CCR9: variants seen among roughly 807,000 people sequenced by gnomAD.
The protein encoded by CCR9 is C-C motif chemokine receptor 9.
A neutral mutation model predicts 8.7 loss-of-function variants in CCR9; 4 were observed. The observed-to-expected ratio is 0.46, with a 90% CI of 0.23 to 1.06. The LOEUF is 1.06. Among genes scored for constraint, CCR9 ranks in the 50% least tolerant of loss-of-function variants. CCR9 has a pLI of 0.21. For missense variants in CCR9, 394 were observed against 453.6 expected (o/e 0.87, Z 1.19); for synonymous variants, 159 against 168.8 (o/e 0.94, Z 0.45).
intron 1 of CCR9, among the ~76,000 whole-genome samples, chr3:45,894,319 C>T (rs536537141): frequency 6.6e-5 from 10 of 152,258 alleles, no homozygotes; most frequent in South Asian, 6.2e-4. Flanking sequence ...CTGGGGGCAC[C>T]GGGTCTTTTA....
At chr3:45,892,844 G>A (rs1702229092) in intron 1 of CCR9, among the ~76,000 whole-genome samples, 1 of 152,184 alleles carries the variant, frequency 6.6e-6, no homozygotes, top group Non-Finnish European at 1.5e-5. Flanking sequence ...CCAGCAGAGA[G>A]GTTACCAGGA....
At position 45,900,469 on chromosome 3, in the gene CCR9, CCA is replaced by C. The variant is rs1254906573; in HGVS notation, c.22-340_22-339del. 2.0e-5 allele frequency among the ~76,000 whole-genome samples: 3 copies of C among 152,084 alleles called. No individual in the cohort carries two copies. Among genetic ancestry groups the C allele is most frequent in the Non-Finnish European group, 4.4e-5 (3 of 68,014 alleles). ...TCAGTAGTGTGGAGGCACTCTTACC[CCA>C]TCAGAGCACTTGGCATGCACACTAT... On this transcript the variant is annotated intron_variant, in intron 2 of 2. Transcript: ENST00000357632. The surrounding 1 kb of genome is among the most constrained non-coding windows in gnomAD (Gnocchi z 4.7).
At chr3:45,894,160 T>G (rs1559423492) in intron 1 of CCR9, among the ~76,000 whole-genome samples, 1 of 152,126 alleles carries the variant, frequency 6.6e-6, no homozygotes, top group African/African-American at 2.4e-5. Flanking sequence ...TTAAAGAAAT[T>G]CAAAACACAT....
Position 45,891,995 on chromosome 3 carries a change from A to G in CCR9, c.-28-2911A>G, listed in dbSNP as rs888789491. On this transcript the variant is annotated intron_variant, in intron 1 of 2. Transcript: ENST00000357632. Reference sequence around the variant, plus strand: ...TTGGTGGTATGGGGTTTGAAGACCAACTTAGCTGGTCTTCAAATCCAACAC... The same window carrying G: ...TTGGTGGTATGGGGTTTGAAGACCAGCTTAGCTGGTCTTCAAATCCAACAC... Among the ~76,000 whole-genome samples the G allele has an allele frequency of 3.3e-5, 5 of 152,144 alleles. No homozygotes were observed. The South Asian group carries it at 6.2e-4, about 19-fold the overall frequency.
At chr3:45,888,986 ATTTG>A (rs1224972998) in intron 1 of CCR9, among the ~76,000 whole-genome samples, 6 of 152,108 alleles carry the variant, frequency 3.9e-5, no homozygotes, top group African/African-American at 1.2e-4. Flanking sequence ...GATATATACT[ATTTG>A]TTTATTTATT....
chr3:45,894,972 C>T lies in CCR9; in HGVS notation c.21+18C>T, dbSNP rs372485536. 5.0e-6 allele frequency: 8 copies of T among 1,612,812 alleles called. No individual in the cohort carries two copies. In the East Asian group the frequency reaches 6.7e-5, roughly 13 times the overall value. On this transcript the variant is annotated intron_variant, in intron 2 of 2. Coordinates refer to ENST00000357632, the MANE Select transcript of CCR9 (RefSeq NM_031200.3). The stretch of plus-strand genomic sequence containing the variant: ...ACTTCACAGTGAGTACAGCCGTGCT[C>T]CTCTGGCTCCTCAAAACACACACTC...
chr3:45,897,614 C>T, intron 2 of CCR9: 1 of 1,535,496 alleles, frequency 6.5e-7, no homozygotes, highest in Non-Finnish European at 8.7e-7. Flanking sequence ...AGGAATCCAT[C>T]TCCTTCCAGG....
chr3:45,901,754 G>C lies in CCR9; in HGVS notation c.966G>C (p.Glu322Asp). The change falls in exon 3 of 3, where the codon GAG becomes GAC. Residue 322 changes from glutamate to aspartate, a missense_variant. Physicochemically the swap from Glu to Asp is conservative, Grantham distance 45. Coordinates refer to ENST00000357632, the MANE Select transcript of CCR9 (RefSeq NM_031200.3). The surrounding 1 kb of genome is among the most constrained non-coding windows in gnomAD (Gnocchi z 4.3). ...CTGTTCTCTATGTTTTTGTGGGTGA[G>C]AGATTCCGCCGGGATCTCGTGAAAA... ...LNPVLYVFVG[E>D]RFRRDLVKTL... The C allele has an allele frequency of 6.2e-7, 1 of 1,614,170 alleles. No homozygotes were observed. Among genetic ancestry groups the C allele is most frequent in the African/African-American group, 1.3e-5 (1 of 75,028 alleles).
rs542112564 is a variant in CCR9 at position 45,894,485 on chromosome 3, G to A, written c.-28-421G>A. ...TTCGGTGAGTCCCTTAGCTGATAGA[G>A]CAGGGGGAAGGGGAACCAGTCAGCA... On this transcript the variant is annotated intron_variant, in intron 1 of 2. Coordinates refer to ENST00000357632, the MANE Select transcript of CCR9 (RefSeq NM_031200.3). Among the ~76,000 whole-genome samples, 3 of 152,288 alleles carry A rather than the reference G, an allele frequency of 2.0e-5. No individual in the cohort carries two copies. The South Asian group carries it at 6.2e-4, about 32-fold the overall frequency.
At position 45,894,792 on chromosome 3, in the gene CCR9, T is replaced by A. The variant is rs1272859190; in HGVS notation, c.-28-114T>A. The A allele has an allele frequency of 1.7e-5, 13 of 755,696 alleles. No individual in the cohort carries two copies. In the East Asian group the frequency reaches 3.3e-4, roughly 19 times the overall value. 46.8% of individuals were successfully genotyped at this position (755,696 alleles called of 1,614,324 possible). On this transcript the variant is annotated intron_variant, in intron 1 of 2. Coordinates refer to ENST00000357632, the MANE Select transcript of CCR9 (RefSeq NM_031200.3). ...TATAGACTCTAACTCCTGCTTGGAATATTTTTTTCAGAAGAATAAGCAGAT... is the reference window on the plus strand; with the variant it reads ...TATAGACTCTAACTCCTGCTTGGAAAATTTTTTTCAGAAGAATAAGCAGAT...
chr3:45,902,816 T>A lies in CCR9; in HGVS notation c.*918T>A, dbSNP rs144606172. On this transcript the variant is annotated 3_prime_UTR_variant, in exon 3 of 3. Coordinates refer to ENST00000357632, the MANE Select transcript of CCR9 (RefSeq NM_031200.3). The stretch of plus-strand genomic sequence containing the variant: ...TGGCCCTCTTCTTTCTGAGGCCCAC[T>A]TTATTCTGAGGAATACAGTGAGCAG... The A allele has an allele frequency of 6.0e-6, 1 of 167,166 alleles. No homozygotes were observed. Among genetic ancestry groups the A allele is most frequent in the East Asian group, 1.9e-4 (1 of 5,178 alleles). 10.4% of individuals were successfully genotyped at this position (167,166 alleles called of 1,614,324 possible).
At chr3:45,887,695 C>A (rs1457510238) in intron 1 of CCR9, among the ~76,000 whole-genome samples, 1 of 152,322 alleles carries the variant, frequency 6.6e-6, no homozygotes, top group East Asian at 1.9e-4. Flanking sequence ...CCTTTTCTTC[C>A]AATATCTGCT....
At position 45,900,696 on chromosome 3, in the gene CCR9, G is replaced by T; in HGVS notation, c.22-114G>T. The T allele has an allele frequency of 1.0e-6, 1 of 997,724 alleles. No individual in the cohort carries two copies. Among genetic ancestry groups the T allele is most frequent in the Non-Finnish European group, 1.5e-6 (1 of 673,520 alleles). 61.8% of individuals were successfully genotyped at this position (997,724 alleles called of 1,614,324 possible). A position where few individuals can be genotyped will look rare whatever the true frequency, so the allele number is the denominator to read the frequency against. On this transcript the variant is annotated intron_variant, in intron 2 of 2. Transcript: ENST00000357632. The surrounding 1 kb of genome is among the most constrained non-coding windows in gnomAD (Gnocchi z 4.7). ...GTCCTCAGAATGCCTATGTGTCTTT[G>T]GCCTTATCATAGGTGTTTGGGGTTG...
intron 1 of CCR9, among the ~76,000 whole-genome samples, 172 bp from the exon 2 acceptor site, chr3:45,894,734 A>G (rs183260914): frequency 1.3e-5 from 2 of 152,328 alleles, no homozygotes; most frequent in East Asian, 3.9e-4. Context: ...TTCTGTGTGG[A>G]CTACTCAGAT....
chr3:45,900,111 CA>C lies in CCR9; in HGVS notation c.22-698del, dbSNP rs766764762. On this transcript the variant is annotated intron_variant, in intron 2 of 2. Coordinates refer to ENST00000357632, the MANE Select transcript of CCR9 (RefSeq NM_031200.3). This position sits in a 1 kb window ranked among gnomAD's most constrained non-coding sequence, Gnocchi z 4.7. ...TTCATGGCTGTGCAACCCACACAGT[CA>C]CATAGGGGCCCTGTGCTTAGAAGTG... is the stretch of plus-strand genomic sequence containing the variant. Among the ~76,000 whole-genome samples, 2 of 152,138 alleles carry C rather than the reference CA, an allele frequency of 1.3e-5. No homozygotes were observed. Among genetic ancestry groups the C allele is most frequent in the African/African-American group, 2.4e-5 (1 of 41,434 alleles).
At position 45,890,273 on chromosome 3, in the gene CCR9, T is replaced by TTTATATAAATATATATATAAC. The variant is rs1559421345; in HGVS notation, c.-29+3618_-29+3619insTTATATAAATATATATATAAC. The stretch of plus-strand genomic sequence containing the variant: ...GGGTATTAGAAATATATATATAACA[T>TTTATATAAATATATATATAAC]ATATATATATTTATATAAATATATA... On this transcript the variant is annotated intron_variant, in intron 1 of 2. Coordinates refer to ENST00000357632, the MANE Select transcript of CCR9 (RefSeq NM_031200.3). Among the ~76,000 whole-genome samples, 147 of 20,886 alleles carry TTTATATAAATATATATATAAC rather than the reference T, an allele frequency of 7.0e-3. 43 individuals are homozygous for TTTATATAAATATATATATAAC. The highest frequency in any genetic ancestry group is 0.014 in the African/African-American group (112 of 8,120). The allele number at this position is 20,886 out of a possible 152,430, so 13.7% of individuals were successfully genotyped here.
intron 2 of CCR9, chr3:45,897,466 G>A (rs1468002855): frequency 1.3e-6 from 1 of 767,088 alleles, no homozygotes; most frequent in East Asian, 2.7e-5. Flanking sequence ...TCAGTCTTGG[G>A]AGTGTTAGCT....
chr3:45,894,120 G>A (rs1702274604), intron 1 of CCR9, among the ~76,000 whole-genome samples: 1 of 152,186 alleles, frequency 6.6e-6, no homozygotes, highest in African/African-American at 2.4e-5. Context: ...CAGTCAAGCT[G>A]TTGTTTCTTT....
chr3:45,899,717 G>T (rs1270127780), intron 2 of CCR9, among the ~76,000 whole-genome samples: 1 of 152,128 alleles, frequency 6.6e-6, no homozygotes, highest in African/African-American at 2.4e-5. Flanking sequence ...GTGGGCAGAG[G>T]TTTTGGAAGG....
Sources: gnomAD v4.1 joint callset for allele counts (sites outside exome capture counted in the v4.1 genomes callset) on GRCh38, gnomAD v4.1.1 for gene constraint, Gnocchi (gnomAD v3.1) non-coding constraint, MANE v1.5 for transcripts, NCBI Gene and HGNC (gene_info 2026-07-23, HGNC 2026-07-21) for gene names.